The following AGAP1 variants were observed in gnomAD, a reference collection of about 807,000 sequenced individuals.
The protein encoded by AGAP1 is ArfGAP with GTPase domain, ankyrin repeat and PH domain 1.
AGAP1 carries 29 observed loss-of-function variants against 105.3 expected under a neutral mutation model. The ratio of observed to expected loss-of-function variants is 0.28; its 90% CI spans 0.21 to 0.38. The LOEUF (loss-of-function observed/expected upper bound fraction) is 0.38, where lower values mean the gene tolerates loss of function less well. Among genes scored for constraint, AGAP1 ranks in the 10% least tolerant of loss-of-function variants. The pLI is 1.00. For missense variants in AGAP1, 998 were observed against 1,165.1 expected (o/e 0.86, Z 2.09); for synonymous variants, 509 against 485.9 (o/e 1.05, Z -0.63).
intron 16 of AGAP1, among the ~76,000 whole-genome samples, chr2:236,066,316 C>G (rs1047777206): frequency 2.3e-4 from 35 of 152,218 alleles, no homozygotes; most frequent in African/African-American, 6.5e-4. Flanking sequence ...ACCTCTGCCT[C>G]CTGGACTCAA....
At position 235,690,830 on chromosome 2, in the gene AGAP1, G is replaced by C. The variant is rs574272743; in HGVS notation, c.164-18349G>C. ...TTTATTTATTTTTTTCTCCAGTCTAGTCATAGTATTGGTTTCGAGAAGTCA... is the reference window on the plus strand; with the variant it reads ...TTTATTTATTTTTTTCTCCAGTCTACTCATAGTATTGGTTTCGAGAAGTCA... On this transcript the variant is annotated intron_variant, in intron 1 of 17. Transcript: ENST00000304032. The surrounding 1 kb of genome is among the most constrained non-coding windows in gnomAD (Gnocchi z 4.1). Among the ~76,000 whole-genome samples the C allele has an allele frequency of 3.9e-5, 6 of 152,124 alleles. No individual in the cohort carries two copies. Among genetic ancestry groups the C allele is most frequent in the Admixed American group, 1.3e-4 (2 of 15,278 alleles).
At chr2:235,946,059 A>G (rs942471859) in intron 12 of AGAP1, among the ~76,000 whole-genome samples, 15 of 151,968 alleles carry the variant, frequency 9.9e-5, no homozygotes, top group Non-Finnish European at 2.2e-4. Context: ...GGGTGGAGAC[A>G]CAGATCCAGG....
At chr2:235,909,667 C>G (rs980424079) in intron 11 of AGAP1, among the ~76,000 whole-genome samples, 2 of 152,196 alleles carry the variant, frequency 1.3e-5, no homozygotes, top group Non-Finnish European at 2.9e-5. Flanking sequence ...CAAGAATTTG[C>G]ATTTTCTCCT....
chr2:235,910,294 G>C (rs79249874), intron 11 of AGAP1, among the ~76,000 whole-genome samples: 294 of 6,254 alleles, frequency 0.047, 2 homozygotes, highest in African/African-American at 0.26. Context: ...TTGCAGGGGG[G>C]CGGTGTCAGA....
chr2:235,717,873 AT>A (rs1216001098), intron 3 of AGAP1, among the ~76,000 whole-genome samples: 1 of 152,140 alleles, frequency 6.6e-6, no homozygotes, highest in Non-Finnish European at 1.5e-5. Context: ...ATACTATTGA[AT>A]TTATTTCTTA....
Position 235,936,834 on chromosome 2 carries a change from G to T in AGAP1, c.1483+5911G>T, listed in dbSNP as rs1257194559. ...GGGGATCATCATCTCTGATAACTGA[G>T]CTTCCAAAAGGCTGAGAAACCAAGA... On this transcript the variant is annotated intron_variant, in intron 12 of 17. Transcript: ENST00000304032. This position sits in a 1 kb window ranked among gnomAD's most constrained non-coding sequence, Gnocchi z 4.7. Among the ~76,000 whole-genome samples the T allele has an allele frequency of 6.6e-6, 1 of 152,004 alleles. No homozygotes were observed. Among genetic ancestry groups the T allele is most frequent in the Non-Finnish European group, 1.5e-5 (1 of 68,008 alleles).
rs1575994120 is a variant in AGAP1, at chr2:235,992,943, A to G, written c.1645+24320A>G. Among the ~76,000 whole-genome samples, 1 of 152,316 alleles carries G rather than the reference A, an allele frequency of 6.6e-6. No homozygotes were observed. Among genetic ancestry groups the G allele is most frequent in the Middle Eastern group, 3.4e-3 (1 of 294 alleles). ...CCTACCTGGGAGAACCTGGCTGGCC[A>G]CATAGTGGAACTGGAAATGCCTCCA... On this transcript the variant is annotated intron_variant, in intron 13 of 17. Transcript: ENST00000304032. This position sits in a 1 kb window ranked among gnomAD's most constrained non-coding sequence, Gnocchi z 4.8.
chr2:236,124,263 AC>A lies in AGAP1; in HGVS notation c.*145del. 1.1e-6 allele frequency: 1 copy of A among 938,282 alleles called. No homozygotes were observed. The highest frequency in any genetic ancestry group is 1.6e-6 in the Non-Finnish European group (1 of 635,730). 58.1% of individuals were successfully genotyped at this position (938,282 alleles called of 1,614,324 possible). ...ACCTCCCTCCCGCCCACCCACTCTC[AC>A]CCCAAACAAAATCACAAAACCTGGA... On this transcript the variant is annotated 3_prime_UTR_variant, in exon 18 of 18. Transcript: ENST00000304032. This position sits in a 1 kb window ranked among gnomAD's most constrained non-coding sequence, Gnocchi z 5.1.
chr2:235,707,074 A>C (rs1950571802), intron 1 of AGAP1, among the ~76,000 whole-genome samples: 1 of 152,220 alleles, frequency 6.6e-6, no homozygotes, highest in Non-Finnish European at 1.5e-5. Flanking sequence ...GTTTGGGTGC[A>C]CAATTATGCA....
In AGAP1 at chr2:236,002,453, G is replaced by T. The variant is rs1207443646; in HGVS notation, c.1645+33830G>T. 6.6e-6 allele frequency among the ~76,000 whole-genome samples: 1 copy of T among 152,202 alleles called. No individual in the cohort carries two copies. Among genetic ancestry groups the T allele is most frequent in the Non-Finnish European group, 1.5e-5 (1 of 68,036 alleles). ...TGTGTGAGTAGGGGAGAGGCTGTGT[G>T]TTTTCATAAGCGAATCCTGATTTTC... On this transcript the variant is annotated intron_variant, in intron 13 of 17. Coordinates refer to ENST00000304032, the MANE Select transcript of AGAP1 (RefSeq NM_001037131.3). The surrounding 1 kb of genome is among the most constrained non-coding windows in gnomAD (Gnocchi z 4.3).
At chr2:235,797,912 G>A in intron 7 of AGAP1, 26 bp downstream of exon 7, 1 of 1,613,462 alleles carries the variant, frequency 6.2e-7, no homozygotes, top group Non-Finnish European at 8.5e-7. Context: ...TGAGAAGTCA[G>A]ACTCTTAGAA....
Position 236,105,923 on chromosome 2 carries a change from G to A in AGAP1, c.2115-14269G>A, listed in dbSNP as rs1324429621. 6.6e-6 allele frequency among the ~76,000 whole-genome samples: 1 copy of A among 152,128 alleles called. No individual in the cohort carries two copies. The highest frequency in any genetic ancestry group is 2.4e-5 in the African/African-American group (1 of 41,434). ...CTCTTGTGCCTCTTCTTATAAGAGT[G>A]AGAATCCCATTCATGGGAGTCTACT... On this transcript the variant is annotated intron_variant, in intron 16 of 17. Transcript: ENST00000304032. The surrounding 1 kb of genome is among the most constrained non-coding windows in gnomAD (Gnocchi z 4.2).
At position 235,559,275 on chromosome 2, in the gene AGAP1, G is replaced by A. The variant is rs1157360519; in HGVS notation, c.163+64426G>A. Among the ~76,000 whole-genome samples, 2 of 152,076 alleles carry A rather than the reference G, an allele frequency of 1.3e-5. No individual in the cohort carries two copies. The highest frequency in any genetic ancestry group is 1.5e-5 in the Non-Finnish European group (1 of 68,022). On this transcript the variant is annotated intron_variant, in intron 1 of 17. Coordinates refer to ENST00000304032, the MANE Select transcript of AGAP1 (RefSeq NM_001037131.3). The surrounding 1 kb of genome is among the most constrained non-coding windows in gnomAD (Gnocchi z 5.7). ...GCCAGCTTAGTCTTTATAAAAATAC[G>A]ATGAAGGGGTGATTTGGGTGTCCCA...
rs2050518064 is a variant in AGAP1, at chr2:235,891,045, TAATG to T, written c.1155+7603_1155+7606del. ...ATAACAGATAGAAAACTCAACCAAATAATGAATGAAACTGCCTTAATGGAGTGGC... is the reference window on the plus strand; with the variant it reads ...ATAACAGATAGAAAACTCAACCAAATAATGAAACTGCCTTAATGGAGTGGC... On this transcript the variant is annotated intron_variant, in intron 10 of 17. Transcript: ENST00000304032. This position sits in a 1 kb window ranked among gnomAD's most constrained non-coding sequence, Gnocchi z 4.2. Among the ~76,000 whole-genome samples the T allele has an allele frequency of 6.7e-6, 1 of 149,654 alleles. No homozygotes were observed. Among genetic ancestry groups the T allele is most frequent in the African/African-American group, 2.5e-5 (1 of 40,702 alleles).
At chr2:235,646,667 A>G (rs1947398082) in intron 1 of AGAP1, among the ~76,000 whole-genome samples, 1 of 152,120 alleles carries the variant, frequency 6.6e-6, no homozygotes, top group African/African-American at 2.4e-5. Flanking sequence ...TGACTTCTCC[A>G]TCTTTCTAAC....
chr2:236,019,360 C>T (rs2056812296), intron 13 of AGAP1, among the ~76,000 whole-genome samples: 1 of 152,082 alleles, frequency 6.6e-6, no homozygotes, highest in Non-Finnish European at 1.5e-5. Flanking sequence ...GGGAAGAGGC[C>T]CTGGATGCTC....
At chr2:235,496,574 G>C (rs1407779442) in intron 1 of AGAP1, among the ~76,000 whole-genome samples, 1 of 152,148 alleles carries the variant, frequency 6.6e-6, no homozygotes. Context: ...GAAAGCCGGC[G>C]TCAGGTATTG....
chr2:235,670,509 G>A, intron 1 of AGAP1: 2 of 497,202 alleles, frequency 4.0e-6, no homozygotes, highest in South Asian at 2.8e-5. Context: ...CCCGCGTCCG[G>A]CAGCCCCGAC....
rs764411755 is a variant in AGAP1 at position 235,660,238 on chromosome 2, C to G, written c.164-48941C>G. 6.6e-6 allele frequency among the ~76,000 whole-genome samples: 1 copy of G among 152,168 alleles called. No homozygotes were observed. The highest frequency in any genetic ancestry group is 6.5e-5 in the Admixed American group (1 of 15,274). ...ATCACCCTCTTCTCTGTGTCTTTCC[C>G]TAACCACTGGAGACTTCATAGATAA... On this transcript the variant is annotated intron_variant, in intron 1 of 17. Coordinates refer to ENST00000304032, the MANE Select transcript of AGAP1 (RefSeq NM_001037131.3). This position sits in a 1 kb window ranked among gnomAD's most constrained non-coding sequence, Gnocchi z 5.3.
Sources: allele counts gnomAD v4.1 joint callset (sites outside exome capture counted in the v4.1 genomes callset), GRCh38; gene constraint gnomAD v4.1.1; non-coding constraint Gnocchi (gnomAD v3.1); transcripts MANE v1.5; gene names NCBI Gene and HGNC (gene_info 2026-07-23, HGNC 2026-07-21).